Variants in CACNB2 observed in about 807,000 individuals in gnomAD.
CACNB2 encodes the protein voltage-dependent L-type calcium channel subunit beta-2.
CACNB2 carries 42 observed loss-of-function variants against 73.3 expected under a neutral mutation model. The ratio of observed to expected loss-of-function variants is 0.57; its 90% CI spans 0.45 to 0.74. CACNB2 has a LOEUF of 0.74. Among genes scored for constraint, CACNB2 ranks in the 30% least tolerant of loss-of-function variants. The pLI is 0.00. For missense variants in CACNB2, 940 were observed against 853.0 expected, an observed-to-expected ratio of 1.10 and a Z score of -1.27; for synonymous variants, 348 against 310.3, an observed-to-expected ratio of 1.12 and a Z score of -1.28.
rs2054004475 is a variant in CACNB2, at chr10:18,540,338, ATATATAT to A, written c.*615_*621del. ...CACCTTCTTATTATATATATAATAT[ATATATAT>A]ATCAGTTTGATCACACTATTTTAGA... On this transcript the variant is annotated 3_prime_UTR_variant, in exon 14 of 14. Coordinates refer to ENST00000324631, the MANE Select transcript of CACNB2 (RefSeq NM_201596.3). The A allele has an allele frequency of 1.4e-5, 2 of 141,292 alleles. No individual in the cohort carries two copies. Among genetic ancestry groups the A allele is most frequent in the Non-Finnish European group, 3.0e-5 (2 of 67,788 alleles). 8.8% of individuals were successfully genotyped at this position (141,292 alleles called of 1,614,324 possible). A position where few individuals can be genotyped will look rare whatever the true frequency, so the allele number is the denominator to read the frequency against.
intron 1 of CACNB2, among the ~76,000 whole-genome samples, chr10:18,143,323 C>T (rs925217577): frequency 1.1e-4 from 17 of 151,960 alleles, no homozygotes; most frequent in African/African-American, 3.9e-4. Flanking sequence ...CAGTTTGGGC[C>T]GAGGTAATAA....
intron 6 of CACNB2, among the ~76,000 whole-genome samples, chr10:18,508,524 T>A (rs1362765729): frequency 5.3e-5 from 8 of 152,196 alleles, no homozygotes; most frequent in African/African-American, 1.7e-4. Flanking sequence ...AAAAAGACTA[T>A]GTCACCTTGC....
At chr10:18,327,059 T>C (rs1030786516) in intron 2 of CACNB2, among the ~76,000 whole-genome samples, 3 of 152,032 alleles carry the variant, frequency 2.0e-5, no homozygotes, top group African/African-American at 7.2e-5. Flanking sequence ...AGCATTCCCA[T>C]AGGCCACCCT....
chr10:18,444,803 A>G (rs2046652705), intron 3 of CACNB2, among the ~76,000 whole-genome samples: 1 of 152,246 alleles, frequency 6.6e-6, no homozygotes, highest in South Asian at 2.1e-4. Context: ...TAGAGAGGGT[A>G]AAGTAACACA....
At chr10:18,506,971 G>T (rs1473360546) in intron 6 of CACNB2, among the ~76,000 whole-genome samples, 1 of 152,036 alleles carries the variant, frequency 6.6e-6, no homozygotes, top group African/African-American at 2.4e-5. Context: ...GCTAATTTTT[G>T]TATTTTTTGT....
chr10:18,154,003 G>C (rs533140666), intron 2 of CACNB2, among the ~76,000 whole-genome samples: 1 of 151,598 alleles, frequency 6.6e-6, no homozygotes, highest in South Asian at 2.1e-4. Context: ...TGTAGCTAGG[G>C]AACATATATA....
chr10:18,250,303 CTTG>C lies in CACNB2; in HGVS notation c.213+99333_213+99335del, dbSNP rs1379370705. 2.6e-5 allele frequency among the ~76,000 whole-genome samples: 4 copies of C among 152,322 alleles called. No homozygotes were observed. In the South Asian group the frequency reaches 6.2e-4, roughly 24 times the overall value. On this transcript the variant is annotated intron_variant, in intron 2 of 13. Coordinates refer to ENST00000324631, the MANE Select transcript of CACNB2 (RefSeq NM_201596.3). Reference sequence around the variant, plus strand: ...CTCCCAATTAGAAGAAAATGCAGTCCTTGTTGTAACTTTGTGAACCTATATGAT... The same window carrying C: ...CTCCCAATTAGAAGAAAATGCAGTCCTTGTAACTTTGTGAACCTATATGAT...
At chr10:18,159,133 T>C (rs10764326) in intron 2 of CACNB2, among the ~76,000 whole-genome samples, 73,478 of 151,844 alleles carry the variant, frequency 0.48, 18,189 homozygotes, top group African/African-American at 0.59. Flanking sequence ...CTGGCAGCAT[T>C]CCAAAGTTGA....
At chr10:18,417,240 A>G (rs946583018) in intron 3 of CACNB2, among the ~76,000 whole-genome samples, 3 of 152,118 alleles carry the variant, frequency 2.0e-5, no homozygotes, top group Non-Finnish European at 2.9e-5. Flanking sequence ...TTTACAAGCA[A>G]AAAACTCACC....
In CACNB2 at chr10:18,261,327, T is replaced by C. The variant is rs1180628515; in HGVS notation, c.213+110352T>C. On this transcript the variant is annotated intron_variant, in intron 2 of 13. Coordinates refer to ENST00000324631, the MANE Select transcript of CACNB2 (RefSeq NM_201596.3). ...AGTACGGGTGTCCTATGTAAGTTTC[T>C]ATTGCTGTAGAATTGCAGCTGGGAG... The C allele has an allele frequency of 2.6e-6, 4 of 1,551,612 alleles. No homozygotes were observed. In the East Asian group the frequency reaches 7.3e-5, roughly 28 times the overall value.
intron 2 of CACNB2, among the ~76,000 whole-genome samples, chr10:18,219,538 G>A: frequency 6.6e-6 from 1 of 152,178 alleles, no homozygotes; most frequent in East Asian, 1.9e-4. Flanking sequence ...AAGTTGTCCA[G>A]CACCAGAAGT....
At chr10:18,346,592 T>G (rs946612000) in intron 2 of CACNB2, among the ~76,000 whole-genome samples, 44 of 151,524 alleles carry the variant, frequency 2.9e-4, no homozygotes, top group Non-Finnish European at 4.6e-4. Flanking sequence ...GTGGCTTTTT[T>G]GGGGGAGGAG....
In CACNB2 at chr10:18,500,797, T is replaced by C. The variant is rs550954203; in HGVS notation, c.457-15T>C. The C allele has an allele frequency of 1.2e-6, 2 of 1,613,304 alleles. No individual in the cohort carries two copies. The highest frequency in any genetic ancestry group is 2.2e-5 in the East Asian group (1 of 44,870). ...TCTGTGCACTGATTTTTAATGCTTT[T>C]GATTTTGTGTTTAGAAATTTAACAA... On this transcript the variant is annotated splice_polypyrimidine_tract_variant and intron_variant, in intron 4 of 13. Transcript: ENST00000324631.
chr10:18,316,240 G>A (rs966201998), intron 2 of CACNB2, among the ~76,000 whole-genome samples: 3 of 152,020 alleles, frequency 2.0e-5, no homozygotes, highest in Non-Finnish European at 4.4e-5. Context: ...GTAATTTTTT[G>A]CAGTATTAGC....
chr10:18,198,527 A>G (rs1454852635), intron 2 of CACNB2, among the ~76,000 whole-genome samples: 1 of 152,168 alleles, frequency 6.6e-6, no homozygotes, highest in East Asian at 1.9e-4. Flanking sequence ...CTGAAGCATG[A>G]CATTTATGAT....
chr10:18,387,710 G>A (rs1479961680), intron 2 of CACNB2, among the ~76,000 whole-genome samples: 1 of 151,802 alleles, frequency 6.6e-6, no homozygotes, highest in Non-Finnish European at 1.5e-5. Flanking sequence ...TCACCCTCGT[G>A]CAAGTCAACA....
intron 2 of CACNB2, among the ~76,000 whole-genome samples, chr10:18,257,793 G>A (rs1367986270): frequency 1.3e-5 from 2 of 152,196 alleles, no homozygotes; most frequent in Admixed American, 6.5e-5. Context: ...ACCCAGGCTG[G>A]AGTGCAGTGG....
At chr10:18,321,676 C>A (rs2040402280) in intron 2 of CACNB2, among the ~76,000 whole-genome samples, 1 of 152,140 alleles carries the variant, frequency 6.6e-6, no homozygotes, top group Admixed American at 6.5e-5. Context: ...TGTGTACTCA[C>A]AAACTTTTTT....
chr10:18,199,964 T>C (rs966985344), intron 2 of CACNB2, among the ~76,000 whole-genome samples: 18 of 150,220 alleles, frequency 1.2e-4, no homozygotes, highest in African/African-American at 4.5e-4. Flanking sequence ...TGTGTGTGTG[T>C]GTGTGTGTGT....
Sources: gnomAD v4.1 joint callset for allele counts (sites outside exome capture counted in the v4.1 genomes callset) on GRCh38, gnomAD v4.1.1 for gene constraint, MANE v1.5 for transcripts, NCBI Gene and HGNC (gene_info 2026-07-23, HGNC 2026-07-21) for gene names.